The following TENM1 variants were observed in gnomAD, a reference collection of about 807,000 sequenced individuals.
The protein encoded by TENM1 is teneurin transmembrane protein 1, also known as teneurin-1.
A neutral mutation model predicts 174.8 loss-of-function variants in TENM1; 35 were observed. That is an observed-to-expected ratio of 0.20 (90% CI 0.15 to 0.27). TENM1 has a LOEUF of 0.27. Ranked by LOEUF, TENM1 falls within the 10% of genes least tolerant of loss-of-function variation. The pLI, the probability that TENM1 is intolerant of heterozygous loss-of-function variation, is 1.00. For missense variants in TENM1, 1,633 were observed against 2,130.1 expected, an observed-to-expected ratio of 0.77 and a Z score of 4.59; for synonymous variants, 781 against 798.7, an observed-to-expected ratio of 0.98 and a Z score of 0.37.
chrX:124,448,611 T>C (rs1449746237), intron 23 of TENM1, among the ~76,000 whole-genome samples: 1 of 112,005 alleles, frequency 8.9e-6, no homozygotes, highest in African/African-American at 3.2e-5. Flanking sequence ...CTTACCTTTC[T>C]AGCTTCATCT....
chrX:124,550,045 A>T (rs1190111175), intron 14 of TENM1, among the ~76,000 whole-genome samples: 1 of 111,364 alleles, frequency 9.0e-6, no homozygotes, highest in East Asian at 2.8e-4. Context: ...TCAAAGGAAT[A>T]AAAATACTAG....
intron 11 of TENM1, among the ~76,000 whole-genome samples, chrX:124,570,303 A>G (rs1050598715): frequency 3.6e-5 from 4 of 111,566 alleles, no homozygotes; most frequent in Non-Finnish European, 7.6e-5. Context: ...TCTTAAATAA[A>G]CTTTTCCAAA....
chrX:124,400,812 T>C (rs2060390586), intron 27 of TENM1, among the ~76,000 whole-genome samples: 1 of 112,413 alleles, frequency 8.9e-6, no homozygotes, highest in Non-Finnish European at 1.9e-5. Flanking sequence ...TCTATTGTTA[T>C]CTGCACTCTA....
At chrX:124,408,571 C>T (rs773465301) in intron 25 of TENM1, among the ~76,000 whole-genome samples, 13 of 111,757 alleles carry the variant, frequency 1.2e-4, no homozygotes, top group Non-Finnish European at 2.4e-4. Context: ...TATGCAGGCA[C>T]TTCCTCTCTG....
At chrX:124,724,301 T>G (rs149906844) in intron 4 of TENM1, among the ~76,000 whole-genome samples, 100 of 112,379 alleles carry the variant, frequency 8.9e-4, no homozygotes, top group African/African-American at 3.1e-3. Context: ...GGGATCAACA[T>G]AAGAAAAGGC....
chrX:125,183,291 T>C, the TENM1 span, among the ~76,000 whole-genome samples: 2 of 112,068 alleles, frequency 1.8e-5, no homozygotes, highest in African/African-American at 3.2e-5. Context: ...AGGCATTTTA[T>C]AGGGACAAAG....
chrX:124,904,067 G>C (rs957165080), intron 1 of TENM1, among the ~76,000 whole-genome samples: 1 of 109,702 alleles, frequency 9.1e-6, no homozygotes, highest in African/African-American at 3.4e-5. Context: ...GCGTGTGTGT[G>C]TGCGTGTGTG....
chrX:125,104,057 C>T, the TENM1 span, among the ~76,000 whole-genome samples: 5 of 111,663 alleles, frequency 4.5e-5, no homozygotes, highest in African/African-American at 1.6e-4. Flanking sequence ...AAAATATAAA[C>T]GAATCAGCAA....
chrX:124,496,239 A>C (rs2047198943), intron 20 of TENM1, among the ~76,000 whole-genome samples: 1 of 111,712 alleles, frequency 9.0e-6, no homozygotes, highest in South Asian at 3.8e-4. Context: ...TTAAAGACTT[A>C]AACGTTAGAC....
chrX:125,151,577 C>G, the TENM1 span, among the ~76,000 whole-genome samples: 2 of 112,212 alleles, frequency 1.8e-5, no homozygotes, highest in African/African-American at 6.5e-5. Flanking sequence ...ATAGTACATA[C>G]AAACAGTATT....
chrX:125,096,541 T>A, the TENM1 span, among the ~76,000 whole-genome samples: 1 of 111,968 alleles, frequency 8.9e-6, no homozygotes, highest in African/African-American at 3.2e-5. Context: ...ATACTCAAAG[T>A]CGATATGGTG....
At chrX:124,461,128 G>A (rs1029908175) in intron 22 of TENM1, among the ~76,000 whole-genome samples, 1 of 112,158 alleles carries the variant, frequency 8.9e-6, no homozygotes, top group South Asian at 3.7e-4. Flanking sequence ...ATGTGGTGGG[G>A]AGTTCAGTAA....
chrX:125,006,163 G>A, the TENM1 span, among the ~76,000 whole-genome samples: 2 of 112,049 alleles, frequency 1.8e-5, no homozygotes, highest in African/African-American at 6.5e-5. Flanking sequence ...TTGGCCTGGG[G>A]CAATCGAGTT....
intron 5 of TENM1, 109 bp from the exon 9 acceptor site, chrX:124,671,944 A>C (rs2051934101): frequency 1.2e-6 from 1 of 815,809 alleles, no homozygotes; most frequent in Non-Finnish European, 1.8e-6. Flanking sequence ...TCTTTTAGTT[A>C]GGCCAAGTAA....
chrX:124,541,728 T>G (rs2048324429), intron 15 of TENM1, among the ~76,000 whole-genome samples: 1 of 112,181 alleles, frequency 8.9e-6, no homozygotes, highest in Admixed American at 9.5e-5. Context: ...AAATACTGTG[T>G]TAGGATCTGG....
At chrX:125,188,384 A>G in the TENM1 span, among the ~76,000 whole-genome samples, 1 of 108,503 alleles carries the variant, frequency 9.2e-6, no homozygotes, top group South Asian at 3.8e-4. Context: ...AAAGGAAAGA[A>G]AAGAAAAGAA....
the TENM1 span, among the ~76,000 whole-genome samples, chrX:125,063,924 T>A: frequency 9.9e-5 from 11 of 111,606 alleles, no homozygotes; most frequent in East Asian, 3.1e-3. Flanking sequence ...TGTCCAACAA[T>A]GATAGACTGG....
chrX:124,682,569 G>C (rs2052261667), intron 5 of TENM1, among the ~76,000 whole-genome samples: 1 of 110,975 alleles, frequency 9.0e-6, no homozygotes, highest in Non-Finnish European at 1.9e-5. Context: ...GTATGGTTTA[G>C]AAAGGAGGGG....
chrX:124,757,911 G>T (rs2054307450), intron 3 of TENM1, among the ~76,000 whole-genome samples: 1 of 112,072 alleles, frequency 8.9e-6, no homozygotes, highest in South Asian at 3.7e-4. Context: ...ACAAACAAAA[G>T]CATTCGAATT....
Sources: allele counts gnomAD v4.1 joint callset (sites outside exome capture counted in the v4.1 genomes callset), GRCh38; gene constraint gnomAD v4.1.1; transcripts MANE v1.5; gene names NCBI Gene and HGNC (gene_info 2026-07-23, HGNC 2026-07-21).